The following UGT1A10 variants were observed in gnomAD, a reference collection of about 807,000 sequenced individuals.
UGT1A10 encodes the protein UDP glucuronosyltransferase family 1 member A10, also known as UDP-glucuronosyltransferase 1A10.
In UGT1A10, 49 loss-of-function variants were observed where a neutral mutation model predicts 45.8. That is an observed-to-expected ratio of 1.07 (90% confidence interval 0.85 to 1.36). The LOEUF (loss-of-function observed/expected upper bound fraction) is 1.36, where lower values mean the gene tolerates loss of function less well. Ranked by LOEUF, UGT1A10 falls within the 40% of genes most tolerant of loss-of-function variation. The pLI, the probability that UGT1A10 is intolerant of heterozygous loss-of-function variation, is 0.00. For synonymous variants in UGT1A10, 284 were observed against 249.7 expected (o/e 1.14, Z -1.29); for missense variants, 745 against 668.6 (o/e 1.11, Z -1.26).
At chr2:233,699,179 A>C (rs1050199722) in intron 1 of UGT1A10, among the ~76,000 whole-genome samples, 1 of 151,668 alleles carries the variant, frequency 6.6e-6, no homozygotes, top group Non-Finnish European at 1.5e-5. Context: ...TCTGATCCTC[A>C]CTTCTTCTTC....
chr2:233,697,477 C>T (rs966758556), intron 1 of UGT1A10, among the ~76,000 whole-genome samples: 1 of 149,952 alleles, frequency 6.7e-6, no homozygotes, highest in Non-Finnish European at 1.5e-5. Flanking sequence ...CTTAGTCTAG[C>T]TCAAGGTTTG....
chr2:233,759,131 C>T (rs889675688), intron 1 of UGT1A10, among the ~76,000 whole-genome samples: 18 of 152,174 alleles, frequency 1.2e-4, no homozygotes, highest in African/African-American at 3.6e-4. Flanking sequence ...GCCTCTGGTA[C>T]GCAATGAAGG....
At chr2:233,758,070 G>T (rs1696791398) in intron 1 of UGT1A10, among the ~76,000 whole-genome samples, 1 of 152,026 alleles carries the variant, frequency 6.6e-6, no homozygotes, top group South Asian at 2.1e-4. Flanking sequence ...TGACTTTCTG[G>T]GCCTAGTTCC....
chr2:233,760,536 C>T (rs2125985634), intron 1 of UGT1A10: 27 of 1,614,224 alleles, frequency 1.7e-5, no homozygotes, highest in Non-Finnish European at 2.3e-5. Flanking sequence ...CTGTGCCATT[C>T]CAAAGGGAGG....
At position 233,637,303 on chromosome 2, in the gene UGT1A10, T is replaced by C; in HGVS notation, c.781T>C (p.Tyr261His). 6.2e-7 allele frequency: 1 copy of C among 1,613,958 alleles called. No individual in the cohort carries two copies. The highest frequency in any genetic ancestry group is 8.5e-7 in the Non-Finnish European group (1 of 1,179,832). The change falls in exon 1 of 5, where the codon TAT becomes CAT. Residue 261 changes from tyrosine to histidine, a missense_variant. Physicochemically the swap from Tyr to His is moderately conservative, Grantham distance 83. Transcript: ENST00000344644. ...GTTGCGAACGGACTTTGTTTTGGAC[T>C]ATCCCAAACCCGTGATGCCCAACAT... ...WLLRTDFVLD[Y>H]PKPVMPNMIF... is the part of the protein sequence containing the mutation.
intron 1 of UGT1A10, among the ~76,000 whole-genome samples, chr2:233,748,275 A>G (rs147171654): frequency 6.6e-6 from 1 of 151,830 alleles, no homozygotes; most frequent in Non-Finnish European, 1.5e-5. Context: ...CAATGAGAGG[A>G]AGAAGAGGCA....
chr2:233,689,956 A>G (rs1320198973), intron 1 of UGT1A10: 3 of 456,290 alleles, frequency 6.6e-6, no homozygotes, highest in African/African-American at 4.0e-5. Context: ...CTTTATTTCC[A>G]TGCTTGGAGG....
At chr2:233,670,838 G>A (rs2074170657) in intron 1 of UGT1A10, among the ~76,000 whole-genome samples, 1 of 152,112 alleles carries the variant, frequency 6.6e-6, no homozygotes, top group Admixed American at 6.6e-5. Flanking sequence ...GTCTCTTACT[G>A]GCAAGATATT....
chr2:233,697,226 G>C (rs2075381121), intron 1 of UGT1A10, among the ~76,000 whole-genome samples: 1 of 152,028 alleles, frequency 6.6e-6, no homozygotes, highest in Non-Finnish European at 1.5e-5. Flanking sequence ...TCTTTGATGA[G>C]AGACTTTTTA....
At chr2:233,734,322 A>G (rs1391524851) in intron 1 of UGT1A10, among the ~76,000 whole-genome samples, 1 of 152,110 alleles carries the variant, frequency 6.6e-6, no homozygotes, top group Non-Finnish European at 1.5e-5. Flanking sequence ...AGACGTATTT[A>G]TAGTATTCTC....
At chr2:233,738,521 G>C (rs1382621592) in intron 1 of UGT1A10, among the ~76,000 whole-genome samples, 2 of 152,174 alleles carry the variant, frequency 1.3e-5, no homozygotes, top group African/African-American at 2.4e-5. Context: ...TAATGTTGTG[G>C]ACAATGAAGT....
intron 1 of UGT1A10, among the ~76,000 whole-genome samples, chr2:233,711,102 G>C (rs1389158237): frequency 6.6e-6 from 1 of 152,178 alleles, no homozygotes; most frequent in African/African-American, 2.4e-5. Context: ...GTGCAGCCCA[G>C]ACCCCTCCTC....
At chr2:233,643,806 G>T (rs1001196538) in intron 1 of UGT1A10, among the ~76,000 whole-genome samples, 2 of 152,132 alleles carry the variant, frequency 1.3e-5, no homozygotes, top group African/African-American at 2.4e-5. Context: ...AAGGCAGCAG[G>T]TTCCCTTCTA....
intron 1 of UGT1A10, among the ~76,000 whole-genome samples, chr2:233,744,814 C>G (rs571865422): frequency 1.3e-5 from 2 of 151,886 alleles, no homozygotes; most frequent in Non-Finnish European, 2.9e-5. Flanking sequence ...GATTTCCTGG[C>G]TCATACTTTG....
chr2:233,655,585 GA>G (rs1055982510), intron 1 of UGT1A10, among the ~76,000 whole-genome samples: 7 of 152,112 alleles, frequency 4.6e-5, no homozygotes, highest in African/African-American at 1.4e-4. Flanking sequence ...AAAACTGTTA[GA>G]AAGAAGGGAA....
chr2:233,713,311 T>G, intron 1 of UGT1A10: 1 of 1,614,252 alleles, frequency 6.2e-7, no homozygotes, highest in East Asian at 2.2e-5. Flanking sequence ...GAACATCTTC[T>G]GATGAAATTT....
In UGT1A10 at chr2:233,713,892, C is replaced by G. The variant is rs892601448; in HGVS notation, c.856-53142C>G. On this transcript the variant is annotated intron_variant, in intron 1 of 4. Transcript: ENST00000344644. ...TGGTGCCTTTATCCAATCAATGTTC[C>G]AGGCAAAACACTTTTTAAAAAATGT... 5.0e-6 allele frequency: 8 copies of G among 1,613,198 alleles called. No individual in the cohort carries two copies. In the African/African-American group the frequency reaches 1.1e-4, roughly 22 times the overall value.
chr2:233,725,060 G>T (rs969335161), intron 1 of UGT1A10, among the ~76,000 whole-genome samples: 5 of 147,180 alleles, frequency 3.4e-5, no homozygotes, highest in African/African-American at 1.0e-4. Flanking sequence ...GGCGGCGCGC[G>T]CCTGCAATCG....
At chr2:233,693,176 G>A in intron 1 of UGT1A10, 1 of 1,614,172 alleles carries the variant, frequency 6.2e-7, no homozygotes, top group Non-Finnish European at 8.5e-7. Context: ...TGAGATTGTA[G>A]TGGTGGTGCC....
Sources: allele counts gnomAD v4.1 joint callset (sites outside exome capture counted in the v4.1 genomes callset), GRCh38; gene constraint gnomAD v4.1.1; transcripts MANE v1.5; gene names NCBI Gene and HGNC (gene_info 2026-07-23, HGNC 2026-07-21).